FGF14: variants seen among roughly 807,000 people sequenced by gnomAD.
FGF14 encodes the protein fibroblast growth factor 14.
A neutral mutation model predicts 25.5 loss-of-function variants in FGF14; 5 were observed. That is an observed-to-expected ratio of 0.20 (90% confidence interval 0.10 to 0.41). The LOEUF is 0.41. FGF14 is among the 10% of genes least tolerant of loss of function. FGF14 has a pLI of 1.00. For synonymous variants in FGF14, 138 were observed against 118.3 expected (o/e 1.17, Z -1.08); for missense variants, 222 against 320.1 (o/e 0.69, Z 2.34).
chr13:102,157,814 C>G (rs949028535), intron 1 of FGF14, among the ~76,000 whole-genome samples: 2 of 152,092 alleles, frequency 1.3e-5, no homozygotes, highest in Non-Finnish European at 2.9e-5. Flanking sequence ...AGAACTCAAA[C>G]AAATTTACAA....
At chr13:102,343,353 G>A (rs149640980) in intron 1 of FGF14, among the ~76,000 whole-genome samples, 70 of 152,274 alleles carry the variant, frequency 4.6e-4, no homozygotes, top group South Asian at 1.5e-3. Context: ...ATGCATTTCA[G>A]GTAGACAGGG....
At chr13:102,015,691 T>C (rs1241686628) in intron 1 of FGF14, among the ~76,000 whole-genome samples, 1 of 152,068 alleles carries the variant, frequency 6.6e-6, no homozygotes, top group Non-Finnish European at 1.5e-5. Flanking sequence ...GCCTGGAGGA[T>C]AGGGTGGTAG....
chr13:101,973,299 C>T (rs1460981048), intron 1 of FGF14, among the ~76,000 whole-genome samples: 1 of 151,976 alleles, frequency 6.6e-6, no homozygotes, highest in Non-Finnish European at 1.5e-5. Flanking sequence ...TAAAATATAT[C>T]CATTCTTTCA....
At chr13:102,394,117 G>C (rs1452078953) in intron 1 of FGF14, among the ~76,000 whole-genome samples, 2 of 152,226 alleles carry the variant, frequency 1.3e-5, no homozygotes, top group African/African-American at 4.8e-5. Context: ...TCTCCCAGTA[G>C]CTAGTGTGTA....
In FGF14 at chr13:102,013,764, T is replaced by C. The variant is rs2040200388; in HGVS notation, c.209-138468A>G. On this transcript the variant is annotated intron_variant, in intron 1 of 4. Coordinates refer to the FGF14 transcript ENST00000376131. ...CCCTACTACCTACTAGGCTTGATCA[T>C]ATATGACATTTTATTTCATTGTTCG... Among the ~76,000 whole-genome samples, 2 of 152,208 alleles carry C rather than the reference T, an allele frequency of 1.3e-5. 1 individual carries two copies.
intron 1 of FGF14, among the ~76,000 whole-genome samples, chr13:102,122,534 G>T (rs767289432): frequency 2.0e-5 from 3 of 152,152 alleles, no homozygotes; most frequent in Non-Finnish European, 4.4e-5. Flanking sequence ...TCATCTTGTT[G>T]TTAAAGCCAG....
intron 1 of FGF14, among the ~76,000 whole-genome samples, chr13:102,378,639 A>C (rs61965566): frequency 1.5e-4 from 21 of 141,196 alleles, no homozygotes; most frequent in African/African-American, 3.9e-4. Flanking sequence ...ATCTATATAT[A>C]TATATATCTT....
Position 102,101,080 on chromosome 13 carries a change from C to T in FGF14, c.209-225784G>A, listed in dbSNP as rs1297613741. ...CACCATTGTACTCCAGCCTGGGTGA[C>T]AGAGCGAGACTCCGTCTCCCGCAAC... On this transcript the variant is annotated intron_variant, in intron 1 of 4. Transcript: ENST00000376131. Among the ~76,000 whole-genome samples, 3 of 150,042 alleles carry T rather than the reference C, an allele frequency of 2.0e-5. No homozygotes were observed. In the East Asian group the frequency reaches 5.9e-4, roughly 30 times the overall value.
intron 1 of FGF14, among the ~76,000 whole-genome samples, chr13:102,096,416 C>A (rs992467865): frequency 6.7e-5 from 9 of 134,334 alleles, no homozygotes; most frequent in African/African-American, 1.5e-4. Flanking sequence ...TTTATTAATA[C>A]TTTACTCTTT....
At chr13:102,333,994 C>T (rs1185478568) in intron 1 of FGF14, among the ~76,000 whole-genome samples, 1 of 152,168 alleles carries the variant, frequency 6.6e-6, no homozygotes, top group African/African-American at 2.4e-5. Flanking sequence ...CATCTGCCTG[C>T]TTGGCATGCC....
intron 1 of FGF14, among the ~76,000 whole-genome samples, chr13:102,054,649 G>C (rs1488083036): frequency 2.0e-5 from 3 of 152,160 alleles, no homozygotes; most frequent in Admixed American, 6.5e-5. Context: ...CTGATACCAA[G>C]TATTGCTACA....
intron 1 of FGF14, among the ~76,000 whole-genome samples, chr13:101,907,880 T>C (rs2032438710): frequency 6.6e-6 from 1 of 152,116 alleles, no homozygotes; most frequent in Non-Finnish European, 1.5e-5. Context: ...CTAAATTTGA[T>C]GAGGTCTTGA....
chr13:101,813,515 C>T (rs2041683193), intron 3 of FGF14, among the ~76,000 whole-genome samples: 1 of 152,128 alleles, frequency 6.6e-6, no homozygotes. Context: ...ATGCCAGTGG[C>T]TTGATCTTGA....
chr13:101,813,433 G>A (rs1388220654), intron 3 of FGF14, among the ~76,000 whole-genome samples: 3 of 152,180 alleles, frequency 2.0e-5, no homozygotes, highest in East Asian at 1.9e-4. Context: ...AGAACACAGC[G>A]TTTGTCTGTT....
chr13:101,717,835 C>T lies in FGF14; in HGVS notation c.*4996G>A, dbSNP rs1182637435. ...CTGCCCTTGATTCTCTATAGCTCAT[C>T]ACAAAACCTCAGGTATGTCTTATTT... On this transcript the variant is annotated 3_prime_UTR_variant, in exon 5 of 5. Transcript: ENST00000376143. 2 of 152,134 alleles carry T rather than the reference C, an allele frequency of 1.3e-5. No individual in the cohort carries two copies. Among genetic ancestry groups the T allele is most frequent in the Non-Finnish European group, 2.9e-5 (2 of 68,030 alleles). The allele number at this position is 152,134 out of a possible 1,614,324, so 9.4% of individuals were successfully genotyped here. A position where few individuals can be genotyped will look rare whatever the true frequency, so the allele number is the denominator to read the frequency against.
chr13:101,976,667 G>A (rs962405158), intron 1 of FGF14, among the ~76,000 whole-genome samples: 1 of 152,124 alleles, frequency 6.6e-6, no homozygotes, highest in Non-Finnish European at 1.5e-5. Flanking sequence ...TGGACACTGT[G>A]CCATCACCCT....
rs536075542 is a variant in FGF14, at chr13:102,222,877, A to G, written c.208+178594T>C. Among the ~76,000 whole-genome samples, 8 of 152,282 alleles carry G rather than the reference A, an allele frequency of 5.3e-5. No individual in the cohort carries two copies. In the South Asian group the frequency reaches 8.3e-4, roughly 16 times the overall value. On this transcript the variant is annotated intron_variant, in intron 1 of 4. Transcript: ENST00000376131. ...GTCCAGCCCGAAGTGCTGATTACAT[A>G]CCAAAATCCAGGTCAAGGCCTCCAT...
chr13:102,291,874 GCCGACC>G (rs1011744989), intron 1 of FGF14, among the ~76,000 whole-genome samples: 5 of 152,150 alleles, frequency 3.3e-5, no homozygotes, highest in Middle Eastern at 6.8e-3. Context: ...AGGACCCCAG[GCCGACC>G]CTCCTGCTTG....
At chr13:101,962,597 T>A (rs1340961771) in intron 1 of FGF14, among the ~76,000 whole-genome samples, 2 of 152,118 alleles carry the variant, frequency 1.3e-5, no homozygotes, top group East Asian at 3.9e-4. Flanking sequence ...CATAAAGCCA[T>A]TTAGGATAAA....
Sources: allele counts gnomAD v4.1 joint callset (sites outside exome capture counted in the v4.1 genomes callset), GRCh38; gene constraint gnomAD v4.1.1; transcripts MANE v1.5; gene names NCBI Gene and HGNC (gene_info 2026-07-23, HGNC 2026-07-21).